ANK1: variants seen among roughly 807,000 people sequenced by gnomAD.
ANK1 encodes the protein ankyrin 1.
Under a neutral mutation model 210.4 loss-of-function variants are expected in ANK1, and 51 were observed. The observed-to-expected ratio is 0.24, with a 90% CI of 0.19 to 0.31. The LOEUF (loss-of-function observed/expected upper bound fraction) is 0.31. Ranked by LOEUF, ANK1 falls within the 10% of genes least tolerant of loss-of-function variation. The pLI is 1.00. For missense variants in ANK1, 2,051 were observed against 2,504.4 expected (o/e 0.82, Z 3.86); for synonymous variants, 967 against 1,025.9 (o/e 0.94, Z 1.10).
chr8:41,895,383 C>T (rs1044047046), intron 1 of ANK1, among the ~76,000 whole-genome samples: 1 of 152,136 alleles, frequency 6.6e-6, no homozygotes, highest in South Asian at 2.1e-4. Flanking sequence ...TGGCCTCCTC[C>T]GTGGCTCTAA....
intron 1 of ANK1, among the ~76,000 whole-genome samples, chr8:41,841,410 T>C (rs1268750294): frequency 1.3e-5 from 2 of 152,216 alleles, no homozygotes; most frequent in Non-Finnish European, 2.9e-5. Flanking sequence ...TGCTGCTCAA[T>C]GGGCGTAAGT....
chr8:41,717,488 G>A, intron 12 of ANK1, 116 bp downstream of exon 12: 1 of 986,962 alleles, frequency 1.0e-6, no homozygotes, highest in African/African-American at 1.6e-5. Flanking sequence ...CTGAAGCATT[G>A]GCTGTTCTGG....
In ANK1 at chr8:41,689,509, T is replaced by A. The variant is rs565354675; in HGVS notation, c.4104+718A>T. On this transcript the variant is annotated intron_variant, in intron 33 of 42. Transcript: ENST00000289734. ...AAAGAGAGATTGAGCCATGGACTTA[T>A]GAATGTAACCTTGCTTCTTTCCTAG... is the stretch of plus-strand genomic sequence containing the variant. 2.0e-5 allele frequency among the ~76,000 whole-genome samples: 3 copies of A among 152,248 alleles called. No homozygotes were observed. In the South Asian group the frequency reaches 6.2e-4, roughly 32 times the overall value.
chr8:41,834,355 T>A (rs1051851883), intron 1 of ANK1, among the ~76,000 whole-genome samples: 1 of 152,182 alleles, frequency 6.6e-6, no homozygotes, highest in African/African-American at 2.4e-5. Context: ...GAAGATGAGC[T>A]TCAGGTTCCC....
chr8:41,757,445 G>A (rs1031663550), intron 2 of ANK1, among the ~76,000 whole-genome samples: 4 of 152,076 alleles, frequency 2.6e-5, no homozygotes, highest in South Asian at 2.1e-4. Flanking sequence ...CTCCAAGCCC[G>A]AGTCTCTGCC....
chr8:41,855,671 C>T (rs1044547748), intron 1 of ANK1, among the ~76,000 whole-genome samples: 24 of 152,294 alleles, frequency 1.6e-4, no homozygotes, highest in African/African-American at 5.3e-4. Context: ...AAAGTGGACA[C>T]GAGAAGATTT....
chr8:41,769,566 C>T (rs1018885903), intron 1 of ANK1, among the ~76,000 whole-genome samples: 6 of 152,120 alleles, frequency 3.9e-5, no homozygotes, highest in Non-Finnish European at 5.9e-5. Context: ...TTTAAAAACA[C>T]GAATGCAATT....
chr8:41,824,029 G>A (rs1804928242), intron 1 of ANK1, among the ~76,000 whole-genome samples: 1 of 151,878 alleles, frequency 6.6e-6, no homozygotes, highest in African/African-American at 2.4e-5. Context: ...GCATGACCTC[G>A]GCTCACTGCA....
rs547791824 is a variant in ANK1, at chr8:41,763,676, G to C, written c.28-5539C>G. Among the ~76,000 whole-genome samples the C allele has an allele frequency of 3.9e-5, 6 of 152,130 alleles. No individual in the cohort carries two copies. The East Asian group carries it at 7.7e-4, about 20-fold the overall frequency. On this transcript the variant is annotated intron_variant, in intron 1 of 42. Coordinates refer to ENST00000289734, the MANE Select transcript of ANK1 (RefSeq NM_000037.4). ...AATCCATGGCAGAGGAAAAATGCTAGGAGGTCCCACTCAGGCTCTGTCCCT... is the reference window on the plus strand; with the variant it reads ...AATCCATGGCAGAGGAAAAATGCTACGAGGTCCCACTCAGGCTCTGTCCCT...
At position 41,694,479 on chromosome 8, in the gene ANK1, G is replaced by C; in HGVS notation, c.3327+113C>G. On this transcript the variant is annotated intron_variant, in intron 28 of 42. Coordinates refer to ENST00000289734, the MANE Select transcript of ANK1 (RefSeq NM_000037.4). The surrounding 1 kb of genome is among the most constrained non-coding windows in gnomAD (Gnocchi z 5.7). ...GCTTTAAACTCAGATCTCCACTGTG[G>C]CATTTCAAAGCACCAGACAAAAGTG... 9.3e-7 allele frequency: 1 copy of C among 1,076,748 alleles called. No homozygotes were observed. The highest frequency in any genetic ancestry group is 2.6e-5 in the East Asian group (1 of 38,580). The allele number at this position is 1,076,748 out of a possible 1,614,324, so 66.7% of individuals were successfully genotyped here. A position where few individuals can be genotyped will look rare whatever the true frequency, so the allele number is the denominator to read the frequency against.
intron 1 of ANK1, among the ~76,000 whole-genome samples, chr8:41,880,751 G>A (rs969309428): frequency 6.6e-6 from 1 of 152,244 alleles, no homozygotes; most frequent in Non-Finnish European, 1.5e-5. Context: ...CCCAGAGAAG[G>A]CTCAGGCTTC....
intron 26 of ANK1, 38 bp downstream of exon 26, chr8:41,696,325 G>A: frequency 6.2e-7 from 1 of 1,606,126 alleles, no homozygotes; most frequent in Non-Finnish European, 8.5e-7. Context: ...CCGTGGCACA[G>A]GGACAGGGGA....
At chr8:41,665,444 G>A in intron 39 of ANK1, 1 of 421,126 alleles carries the variant, frequency 2.4e-6, no homozygotes, top group Non-Finnish European at 4.2e-6. Flanking sequence ...GCCCTGCCCA[G>A]AGACCTGGAA....
At chr8:41,752,662 T>C (rs947912795) in intron 2 of ANK1, among the ~76,000 whole-genome samples, 3 of 151,940 alleles carry the variant, frequency 2.0e-5, no homozygotes, top group South Asian at 2.1e-4. Flanking sequence ...CCTCGGAAAG[T>C]CTTTCTTGAG....
intron 1 of ANK1, among the ~76,000 whole-genome samples, chr8:41,812,791 G>C (rs1442991395): frequency 6.6e-6 from 1 of 152,150 alleles, no homozygotes; most frequent in Non-Finnish European, 1.5e-5. Context: ...TAAATTATAA[G>C]GAGTGCGCAA....
In ANK1 at chr8:41,703,441, TATATATATA is replaced by T. The variant is rs1174242565; in HGVS notation, c.2295+591_2295+599del. Among the ~76,000 whole-genome samples, 91 of 73,526 alleles carry T rather than the reference TATATATATA, an allele frequency of 1.2e-3. 6 individuals are homozygous for T. The highest frequency in any genetic ancestry group is 3.4e-3 in the African/African-American group (70 of 20,892). 48.2% of individuals were successfully genotyped at this position (73,526 alleles called of 152,430 possible). A position where few individuals can be genotyped will look rare whatever the true frequency, so the allele number is the denominator to read the frequency against. The stretch of plus-strand genomic sequence containing the variant: ...GTGTGTGTATATATATATATATATA[TATATATATA>T]TTTTTTTTTTTTTTTTAAGACACAA... On this transcript the variant is annotated intron_variant, in intron 20 of 42. Coordinates refer to ENST00000289734, the MANE Select transcript of ANK1 (RefSeq NM_000037.4).
intron 1 of ANK1, among the ~76,000 whole-genome samples, chr8:41,780,424 G>T (rs546979109): frequency 6.6e-6 from 1 of 152,320 alleles, no homozygotes; most frequent in South Asian, 2.1e-4. Context: ...ATAGGAGTTT[G>T]TTGAGTTAAC....
intron 14 of ANK1, among the ~76,000 whole-genome samples, 154 bp downstream of exon 14, chr8:41,715,498 G>A (rs1166508934): frequency 2.6e-5 from 4 of 152,264 alleles, no homozygotes; most frequent in Admixed American, 6.5e-5. Context: ...ACATCGGCTT[G>A]CAGGTGGTGG....
intron 1 of ANK1, among the ~76,000 whole-genome samples, chr8:41,880,903 G>T (rs773065833): frequency 2.6e-5 from 4 of 152,244 alleles, no homozygotes; most frequent in Non-Finnish European, 5.9e-5. Flanking sequence ...GCCTTACTTG[G>T]TAGGGCCAAG....
Sources: gnomAD v4.1 joint callset for allele counts (sites outside exome capture counted in the v4.1 genomes callset) on GRCh38, gnomAD v4.1.1 for gene constraint, Gnocchi (gnomAD v3.1) non-coding constraint, MANE v1.5 for transcripts, NCBI Gene and HGNC (gene_info 2026-07-23, HGNC 2026-07-21) for gene names.